The following OTUD7B variants were observed in gnomAD, a reference collection of about 807,000 sequenced individuals.
The protein encoded by OTUD7B is OTU domain-containing protein 7B.
Under a neutral mutation model 82.2 loss-of-function variants are expected in OTUD7B, and 34 were observed. The observed-to-expected ratio is 0.41, with a 90% confidence interval of 0.31 to 0.55. The LOEUF (loss-of-function observed/expected upper bound fraction) is 0.55. OTUD7B is among the 20% of genes least tolerant of loss of function. OTUD7B has a pLI of 0.20. For missense variants in OTUD7B, 944 were observed against 1,062.1 expected (o/e 0.89, Z 1.55); for synonymous variants, 398 against 402.7 (o/e 0.99, Z 0.14).
At chr1:150,019,220 C>G in the OTUD7B span, among the ~76,000 whole-genome samples, 40 of 152,150 alleles carry the variant, frequency 2.6e-4, no homozygotes, top group Non-Finnish European at 4.6e-4. Context: ...TTACCTCTGA[C>G]GTAAACTATT....
intron 1 of OTUD7B, among the ~76,000 whole-genome samples, chr1:149,998,800 C>A (rs1553783962): frequency 1.3e-5 from 2 of 152,192 alleles, no homozygotes; most frequent in Non-Finnish European, 2.9e-5. Flanking sequence ...TTGACAGTAA[C>A]TACTACCTTA....
upstream of OTUD7B, among the ~76,000 whole-genome samples, chr1:150,012,178 G>A (rs1045336900): frequency 6.6e-6 from 1 of 152,174 alleles, no homozygotes; most frequent in Non-Finnish European, 1.5e-5. Context: ...AGGAGAGCAG[G>A]ATGAGATTTG....
chr1:150,054,493 TCTTA>T, the OTUD7B span: 3 of 495,838 alleles, frequency 6.1e-6, no homozygotes, highest in Non-Finnish European at 1.2e-5. Context: ...TCCCAAAACA[TCTTA>T]CTGATACTTA....
upstream of OTUD7B, among the ~76,000 whole-genome samples, chr1:150,013,024 C>G (rs1653143363): frequency 6.6e-6 from 1 of 152,212 alleles, no homozygotes; most frequent in African/African-American, 2.4e-5. Context: ...GCCATTTAGG[C>G]TGGCACTAGG....
chr1:149,974,848 C>G (rs1184315581), intron 2 of OTUD7B, among the ~76,000 whole-genome samples: 2 of 118,232 alleles, frequency 1.7e-5, no homozygotes, highest in African/African-American at 6.6e-5. Flanking sequence ...CTGCACCCAG[C>G]CTCTTTCTTT....
At chr1:149,983,525 G>C (rs1553780246) in intron 1 of OTUD7B, among the ~76,000 whole-genome samples, 1 of 152,064 alleles carries the variant, frequency 6.6e-6, no homozygotes, top group Non-Finnish European at 1.5e-5. Flanking sequence ...TTTCATCTAT[G>C]AATTAAGATT....
chr1:150,027,308 G>A, the OTUD7B span, among the ~76,000 whole-genome samples: 15 of 152,202 alleles, frequency 9.9e-5, no homozygotes, highest in South Asian at 4.1e-4. Context: ...AGGTAAAGCC[G>A]GGCACAGTGG....
chr1:150,035,547 C>T, the OTUD7B span, among the ~76,000 whole-genome samples: 5 of 152,216 alleles, frequency 3.3e-5, no homozygotes, highest in South Asian at 4.1e-4. Flanking sequence ...AATATGCCAA[C>T]CACAACCCTA....
chr1:150,015,070 G>C (rs781957424), upstream of OTUD7B, among the ~76,000 whole-genome samples: 7 of 152,148 alleles, frequency 4.6e-5, no homozygotes, highest in Non-Finnish European at 8.8e-5. Context: ...ACCTAGCATA[G>C]TATCTGACCC....
chr1:149,979,118 C>T (rs1252470311), intron 1 of OTUD7B, among the ~76,000 whole-genome samples: 1 of 151,468 alleles, frequency 6.6e-6, no homozygotes, highest in Non-Finnish European at 1.5e-5. Context: ...ACGATTTCTT[C>T]ATTTTTGTAA....
At chr1:149,945,147 T>C (rs1476019736) in intron 11 of OTUD7B, 82 bp from the exon 12 acceptor site, 8 of 1,514,502 alleles carry the variant, frequency 5.3e-6, no homozygotes, top group Admixed American at 2.2e-5. Flanking sequence ...AGCCCATCCA[T>C]CTGGCTCAGG....
chr1:150,025,130 A>G, the OTUD7B span, among the ~76,000 whole-genome samples: 1 of 150,898 alleles, frequency 6.6e-6, no homozygotes. Context: ...AATATAAGAT[A>G]GGTCTCAGGG....
At chr1:150,008,572 G>A (rs1209004651) in intron 1 of OTUD7B, among the ~76,000 whole-genome samples, 3 of 152,102 alleles carry the variant, frequency 2.0e-5, no homozygotes, top group African/African-American at 4.8e-5. Flanking sequence ...ATTTTTTTCC[G>A]AGGGAGTCTT....
At chr1:150,045,305 G>A in the OTUD7B span, among the ~76,000 whole-genome samples, 22,679 of 151,584 alleles carry the variant, frequency 0.15, 1,866 homozygotes, top group African/African-American at 0.18. Flanking sequence ...TGTTGGCCAC[G>A]CTGGTCTCGA....
the OTUD7B span, among the ~76,000 whole-genome samples, chr1:150,027,270 T>C: frequency 0.081 from 12,296 of 152,098 alleles, 749 homozygotes; most frequent in East Asian, 0.29. Context: ...AGGTAATAAA[T>C]AATTATAATA....
rs1553777627 is a variant in OTUD7B, at chr1:149,971,260, A to C, written c.86-9T>G. The C allele has an allele frequency of 1.9e-6, 3 of 1,597,348 alleles. No individual in the cohort carries two copies. The South Asian group carries it at 3.3e-5, about 18-fold the overall frequency. On this transcript the variant is annotated splice_polypyrimidine_tract_variant and intron_variant, in intron 2 of 11. Transcript: ENST00000581312. ...CACATCCCAATTCTTTCCTGTCAGG[A>C]GACAAAGCAAAAAGCAAACTGTGCA...
chr1:150,031,006 C>A, the OTUD7B span, among the ~76,000 whole-genome samples: 1 of 152,082 alleles, frequency 6.6e-6, no homozygotes, highest in East Asian at 1.9e-4. Flanking sequence ...AACTCCTGAC[C>A]TCAGGTGATT....
chr1:149,947,711 T>C (rs1553772469), intron 10 of OTUD7B, among the ~76,000 whole-genome samples: 1 of 152,146 alleles, frequency 6.6e-6, no homozygotes. Flanking sequence ...AGGTTATTTT[T>C]AAAAAGCCAT....
rs1241849151 is a variant in OTUD7B, at chr1:149,971,148, G to A, written c.189C>T (p.Ser63=). ...PPSFSEGSGG[S]RTPEKGFSDR... is the part of the protein sequence containing the mutation. ...CAGAAAACCCTTTTTCAGGGGTCCT[G>A]GAGCCACCACTCCCCTCACTAAAGG... The change falls in exon 3 of 12, where the codon TCC becomes TCT. Residue 63 remains serine, a synonymous_variant. Transcript: ENST00000581312. The A allele has an allele frequency of 1.9e-6, 3 of 1,613,702 alleles. No individual in the cohort carries two copies. The highest frequency in any genetic ancestry group is 2.7e-5 in the African/African-American group (2 of 74,872).
Sources: gnomAD v4.1 joint callset for allele counts (sites outside exome capture counted in the v4.1 genomes callset) on GRCh38, gnomAD v4.1.1 for gene constraint, MANE v1.5 for transcripts, NCBI Gene and HGNC (gene_info 2026-07-23, HGNC 2026-07-21) for gene names.